The following CDH13 variants were observed in gnomAD, a reference collection of about 807,000 sequenced individuals.
CDH13 encodes the protein cadherin 13.
In CDH13, 24 loss-of-function variants were observed where a neutral mutation model predicts 63.8. The observed-to-expected ratio is 0.38, with a 90% CI of 0.27 to 0.53. CDH13 has a LOEUF of 0.53. CDH13 is among the 20% of genes least tolerant of loss of function. The pLI is 0.85. For synonymous variants in CDH13, 503 were observed against 355.3 expected, an observed-to-expected ratio of 1.42 and a Z score of -4.67; for missense variants, 1,049 against 903.1, an observed-to-expected ratio of 1.16 and a Z score of -2.07.
At chr16:82,871,478 G>C (rs1039428358) in intron 2 of CDH13, among the ~76,000 whole-genome samples, 10 of 152,134 alleles carry the variant, frequency 6.6e-5, no homozygotes, top group Non-Finnish European at 1.3e-4. Context: ...GGAGATCCAA[G>C]GGTTGACACT....
chr16:83,057,022 A>G (rs2031015832), intron 3 of CDH13, among the ~76,000 whole-genome samples: 1 of 152,042 alleles, frequency 6.6e-6, no homozygotes, highest in African/African-American at 2.4e-5. Flanking sequence ...TCTGGAGTGC[A>G]GTGGTGCATT....
rs150757462 is a variant in CDH13 at position 83,004,019 on chromosome 16, T to C, written c.158-27991T>C. Among the ~76,000 whole-genome samples, 58 of 152,364 alleles carry C rather than the reference T, an allele frequency of 3.8e-4. 1 individual carries two copies. In the East Asian group the frequency reaches 8.9e-3, roughly 23 times the overall value. On this transcript the variant is annotated intron_variant, in intron 2 of 13. Coordinates refer to ENST00000567109, the MANE Select transcript of CDH13 (RefSeq NM_001257.5). ...ATCAAGACAATCGAATGTGTCAGAC[T>C]AAAGTAGATAATAAATGCTCTTTGG...
chr16:83,190,155 G>A (rs1375641997), intron 4 of CDH13, among the ~76,000 whole-genome samples: 1 of 152,174 alleles, frequency 6.6e-6, no homozygotes, highest in Admixed American at 6.5e-5. Flanking sequence ...AATACTGTTT[G>A]GTATAACATT....
chr16:83,073,742 C>G (rs1420272936), intron 3 of CDH13, among the ~76,000 whole-genome samples: 1 of 151,840 alleles, frequency 6.6e-6, no homozygotes, highest in Non-Finnish European at 1.5e-5. Flanking sequence ...ATATAATATA[C>G]TTAGTATAAC....
intron 5 of CDH13, among the ~76,000 whole-genome samples, chr16:83,314,106 T>C (rs2090056756): frequency 6.6e-6 from 1 of 152,244 alleles, no homozygotes; most frequent in South Asian, 2.1e-4. Flanking sequence ...AGCATTGCTC[T>C]AATCAAAAAT....
chr16:83,269,703 C>T (rs925064591), intron 5 of CDH13, among the ~76,000 whole-genome samples: 1 of 152,178 alleles, frequency 6.6e-6, no homozygotes, highest in Non-Finnish European at 1.5e-5. Context: ...TGAATGAGTG[C>T]TCCATGACAT....
chr16:83,118,158 G>T (rs4128844), intron 3 of CDH13, among the ~76,000 whole-genome samples: 2 of 151,990 alleles, frequency 1.3e-5, no homozygotes, highest in African/African-American at 2.4e-5. Flanking sequence ...AGACTGCTGT[G>T]GGGGGAATCC....
chr16:83,240,717 C>CTCTT (rs1904349917), intron 5 of CDH13, among the ~76,000 whole-genome samples: 1 of 81,658 alleles, frequency 1.2e-5, no homozygotes, highest in African/African-American at 5.6e-5. Flanking sequence ...CTGTCTTAAT[C>CTCTT]TTTTTTTTTT....
chr16:82,843,452 C>T (rs918697899), intron 1 of CDH13, among the ~76,000 whole-genome samples: 1 of 152,184 alleles, frequency 6.6e-6, no homozygotes, highest in African/African-American at 2.4e-5. Context: ...TTCATATACT[C>T]CGACCCAGGG....
At chr16:83,046,605 A>G (rs968626480) in intron 3 of CDH13, among the ~76,000 whole-genome samples, 32 of 152,162 alleles carry the variant, frequency 2.1e-4, no homozygotes, top group African/African-American at 5.8e-4. Context: ...AGACTGGAGG[A>G]AATAGCCCAC....
At chr16:82,912,687 T>C (rs1054209846) in intron 2 of CDH13, among the ~76,000 whole-genome samples, 21 of 152,214 alleles carry the variant, frequency 1.4e-4, no homozygotes, top group African/African-American at 5.1e-4. Flanking sequence ...CTCACGCCTG[T>C]AATCCCAGCA....
intron 2 of CDH13, among the ~76,000 whole-genome samples, chr16:82,952,102 A>G (rs1905378195): frequency 6.6e-6 from 1 of 152,240 alleles, no homozygotes; most frequent in Non-Finnish European, 1.5e-5. Context: ...ATAAATGCAT[A>G]GACATTTTTC....
intron 13 of CDH13, 108 bp from the exon 14 acceptor site, chr16:83,794,915 T>G: frequency 1.9e-6 from 2 of 1,035,400 alleles, no homozygotes; most frequent in Non-Finnish European, 2.9e-6. Context: ...CGTGTGATGT[T>G]TAAAATGTGT....
intron 1 of CDH13, among the ~76,000 whole-genome samples, chr16:82,753,970 A>G (rs989409987): frequency 4.6e-5 from 7 of 152,202 alleles, no homozygotes; most frequent in African/African-American, 1.7e-4. Context: ...GTGAATCATG[A>G]ATAAGATCAT....
At chr16:83,524,247 C>G (rs532574997) in intron 7 of CDH13, among the ~76,000 whole-genome samples, 1 of 152,022 alleles carries the variant, frequency 6.6e-6, no homozygotes, top group African/African-American at 2.4e-5. Context: ...ATGCAGTGTA[C>G]ATGAGTAATA....
chr16:83,234,022 A>T lies in CDH13; in HGVS notation c.636+16525A>T, dbSNP rs16959841. Among the ~76,000 whole-genome samples the T allele has an allele frequency of 4.9e-3, 741 of 152,308 alleles. 5 individuals are homozygous for T. The highest frequency in any genetic ancestry group is 0.017 in the African/African-American group (692 of 41,568). On this transcript the variant is annotated intron_variant, in intron 5 of 13. Coordinates refer to ENST00000567109, the MANE Select transcript of CDH13 (RefSeq NM_001257.5). ...CATCTTTGGAAAGCAGGGATGGATA[A>T]TGTGGCCAGCACAGTGTCCAAGGGG...
chr16:83,431,087 G>A (rs1039853664), intron 6 of CDH13, among the ~76,000 whole-genome samples: 3 of 151,196 alleles, frequency 2.0e-5, no homozygotes, highest in Admixed American at 6.6e-5. Context: ...TTGTTCTTGC[G>A]ATAGTTTACT....
At chr16:83,096,270 G>A (rs917317501) in intron 3 of CDH13, among the ~76,000 whole-genome samples, 1 of 152,178 alleles carries the variant, frequency 6.6e-6, no homozygotes, top group African/African-American at 2.4e-5. Flanking sequence ...GAGCTATATA[G>A]TATTAGTCTG....
intron 10 of CDH13, chr16:83,710,186 G>A (rs1201610607): frequency 6.6e-6 from 1 of 152,184 alleles, no homozygotes; most frequent in Non-Finnish European, 1.5e-5. Flanking sequence ...CAGATGTCAG[G>A]GGGGACAATT....
Sources: allele counts gnomAD v4.1 joint callset (sites outside exome capture counted in the v4.1 genomes callset), GRCh38; gene constraint gnomAD v4.1.1; transcripts MANE v1.5; gene names NCBI Gene and HGNC (gene_info 2026-07-23, HGNC 2026-07-21).